The following ARSJ variants were observed in gnomAD, a reference collection of about 807,000 sequenced individuals.
ARSJ encodes the protein arylsulfatase J.
ARSJ carries 26 observed loss-of-function variants against 35.9 expected under a neutral mutation model. The ratio of observed to expected loss-of-function variants is 0.72; its 90% confidence interval spans 0.53 to 1.00. ARSJ has a LOEUF of 1.00. Among genes scored for constraint, ARSJ ranks in the 50% least tolerant of loss-of-function variants. The probability of loss-of-function intolerance (pLI) is 0.00; values close to 1 mark genes in which losing one functional copy is unlikely to be tolerated. For synonymous variants in ARSJ, 294 were observed against 267.6 expected (o/e 1.10, Z -0.96); for missense variants, 667 against 723.6 (o/e 0.92, Z 0.90).
At chr4:113,927,288 C>T (rs907994421) in intron 1 of ARSJ, among the ~76,000 whole-genome samples, 14 of 152,182 alleles carry the variant, frequency 9.2e-5, no homozygotes, top group South Asian at 2.1e-4. Flanking sequence ...AGAAATTTTA[C>T]TGAGGTAGAA....
intron 1 of ARSJ, among the ~76,000 whole-genome samples, chr4:113,923,308 C>A (rs972248311): frequency 3.9e-5 from 6 of 152,092 alleles, no homozygotes; most frequent in Non-Finnish European, 7.4e-5. Context: ...ATACATTATT[C>A]TTGAATGCCT....
chr4:113,968,290 T>A (rs895306761), intron 1 of ARSJ, among the ~76,000 whole-genome samples: 1 of 152,184 alleles, frequency 6.6e-6, no homozygotes, highest in African/African-American at 2.4e-5. Context: ...TATATACATA[T>A]AATATTTATG....
chr4:113,958,338 A>T (rs1347411999), intron 1 of ARSJ, among the ~76,000 whole-genome samples: 2 of 152,106 alleles, frequency 1.3e-5, no homozygotes, highest in African/African-American at 4.8e-5. Context: ...GGACAGAGGT[A>T]TAGAAGCAAA....
intron 1 of ARSJ, among the ~76,000 whole-genome samples, chr4:113,971,965 CCTT>C (rs1727278590): frequency 6.6e-6 from 1 of 152,196 alleles, no homozygotes; most frequent in Non-Finnish European, 1.5e-5. Flanking sequence ...TTACTTGACT[CCTT>C]CTCCTATCAG....
chr4:113,942,512 T>C (rs1368323359), intron 1 of ARSJ, among the ~76,000 whole-genome samples: 1 of 152,052 alleles, frequency 6.6e-6, no homozygotes, highest in South Asian at 2.1e-4. Context: ...TCATTTGGAA[T>C]AAATCTTTGA....
rs2099667384 is a variant in ARSJ, at chr4:113,902,429, C to A, written c.1645G>T (p.Gly549Trp). 9.3e-6 allele frequency: 15 copies of A among 1,613,896 alleles called. No individual in the cohort carries two copies. Among genetic ancestry groups the A allele is most frequent in the Non-Finnish European group, 1.3e-5 (15 of 1,180,008 alleles). The part of the protein sequence containing the change: ...DPRSNPRLNG[G>W]VWGPWYKEET... ...TCTTTATACCATGGTCCCCAGACCC[C>A]TCCATTGAGCCTAGGGTTACTTCTG... Residue 549 changes from glycine to tryptophan, a missense_variant, in exon 2 of 2, where the codon GGG (glycine) becomes TGG (tryptophan). Physicochemically the swap from Gly to Trp is radical, Grantham distance 184. Transcript: ENST00000315366.
At position 113,902,502 on chromosome 4, in the gene ARSJ, T is replaced by C; in HGVS notation, c.1572A>G (p.Ser524=). 6.2e-7 allele frequency: 1 copy of C among 1,614,194 alleles called. No individual in the cohort carries two copies. The highest frequency in any genetic ancestry group is 8.5e-7 in the Non-Finnish European group (1 of 1,180,030). The change falls in exon 2 of 2, where the codon TCA becomes TCG. Residue 524 remains serine, a synonymous_variant. Coordinates refer to ENST00000315366, the MANE Select transcript of ARSJ (RefSeq NM_024590.4). ...GIVKKLLRRL[S]QFNKTAVPVR... is the part of the protein sequence containing the mutation. ...CCGGCACTGCAGTTTTGTTGAACTG[T>C]GAGAGCCTCCGTAGGAGCTTCTTCA...
At chr4:113,934,027 G>A (rs1431851795) in intron 1 of ARSJ, among the ~76,000 whole-genome samples, 2 of 151,740 alleles carry the variant, frequency 1.3e-5, no homozygotes, top group Admixed American at 6.6e-5. Flanking sequence ...AATTGATGAA[G>A]AAATTTAGTA....
chr4:113,914,386 C>T (rs1037707715), intron 1 of ARSJ, among the ~76,000 whole-genome samples: 2 of 152,100 alleles, frequency 1.3e-5, no homozygotes, highest in African/African-American at 4.8e-5. Context: ...AGAAGTTTAA[C>T]ATTTTCTTTG....
rs971190968 is a variant in ARSJ at position 113,901,138 on chromosome 4, C to T, written c.*1136G>A. On this transcript the variant is annotated 3_prime_UTR_variant, in exon 2 of 2. Transcript: ENST00000315366. ...TTTTTATTTTTTAGGACCAATGATA[C>T]AATTTTAGCTAGAAGTTAGATCAGA... 2.0e-5 allele frequency: 3 copies of T among 152,070 alleles called. No individual in the cohort carries two copies. The highest frequency in any genetic ancestry group is 7.2e-5 in the African/African-American group (3 of 41,414). 9.4% of individuals were successfully genotyped at this position (152,070 alleles called of 1,614,324 possible).
At position 113,967,773 on chromosome 4, in the gene ARSJ, T is replaced by C. The variant is rs151189248; in HGVS notation, c.398+10664A>G. Among the ~76,000 whole-genome samples, 451 of 152,314 alleles carry C rather than the reference T, an allele frequency of 3.0e-3. 5 individuals are homozygous for C. The highest frequency in any genetic ancestry group is 0.01 in the African/African-American group (420 of 41,568). On this transcript the variant is annotated intron_variant, in intron 1 of 1. Transcript: ENST00000315366. ...TTTCAGTTGATGAGCAATGGTAATA[T>C]GATGTTAACAATTTTTAAATCAAAA... is the stretch of plus-strand genomic sequence containing the variant.
chr4:113,934,981 G>A (rs1305880023), intron 1 of ARSJ, among the ~76,000 whole-genome samples: 1 of 151,786 alleles, frequency 6.6e-6, no homozygotes, highest in Non-Finnish European at 1.5e-5. Context: ...TTCTTAATTT[G>A]ATGGATTGGT....
At chr4:113,905,871 T>A (rs1364651209) in intron 1 of ARSJ, among the ~76,000 whole-genome samples, 1 of 151,946 alleles carries the variant, frequency 6.6e-6, no homozygotes, top group Non-Finnish European at 1.5e-5. Flanking sequence ...TTTCACTGTG[T>A]TGGCCAGGCT....
At chr4:113,920,025 A>G (rs920998539) in intron 1 of ARSJ, among the ~76,000 whole-genome samples, 2 of 152,000 alleles carry the variant, frequency 1.3e-5, no homozygotes, top group Non-Finnish European at 2.9e-5. Flanking sequence ...ATTGTATACC[A>G]TGCTGTCTAT....
chr4:113,972,716 G>A (rs1474670889), intron 1 of ARSJ, among the ~76,000 whole-genome samples: 3 of 152,118 alleles, frequency 2.0e-5, no homozygotes, highest in Non-Finnish European at 4.4e-5. Context: ...ACTATGTTGT[G>A]CAGTCTGGTC....
In ARSJ at chr4:113,963,555, C is replaced by A. The variant is rs114460498; in HGVS notation, c.398+14882G>T. On this transcript the variant is annotated intron_variant, in intron 1 of 1. Coordinates refer to ENST00000315366, the MANE Select transcript of ARSJ (RefSeq NM_024590.4). ...ATGATTCAATTACCTGCTGCAGGGT[C>A]CCTCCCAGGACACTTAGGGATTATG... 5.4e-3 allele frequency among the ~76,000 whole-genome samples: 828 copies of A among 152,080 alleles called. 8 individuals carry two copies. Among genetic ancestry groups the A allele is most frequent in the African/African-American group, 0.019 (786 of 41,508 alleles).
chr4:113,936,319 T>C (rs981152649), intron 1 of ARSJ, among the ~76,000 whole-genome samples: 56 of 151,928 alleles, frequency 3.7e-4, no homozygotes, highest in African/African-American at 1.2e-3. Context: ...GTTTTTATGG[T>C]TTATGTGTCA....
rs116467906 is a variant in ARSJ at position 113,914,660 on chromosome 4, C to G, written c.399-10985G>C. On this transcript the variant is annotated intron_variant, in intron 1 of 1. Coordinates refer to ENST00000315366, the MANE Select transcript of ARSJ (RefSeq NM_024590.4). ...GTCTTAGCTGCAAGCCATGTGACAA[C>G]AAACTGAAATCCAAGACAACTTAGT... Among the ~76,000 whole-genome samples the G allele has an allele frequency of 5.1e-3, 774 of 152,274 alleles. 6 individuals carry two copies. Among genetic ancestry groups the G allele is most frequent in the African/African-American group, 0.018 (735 of 41,572 alleles).
In ARSJ at chr4:113,978,516, C is replaced by A. The variant is rs770822624; in HGVS notation, c.319G>T (p.Ala107Ser). The change falls in exon 1 of 2, where the codon GCT becomes TCT. Residue 107 changes from alanine (A) to serine (S), a missense_variant. Coordinates refer to ENST00000315366, the MANE Select transcript of ARSJ (RefSeq NM_024590.4). ...TTCTCCAGTTTAACTCCTTCGGCAG[C>A]GAGCTTGTCAAGAGTAGGTGTTTTA... ...EIKTPTLDKL[A>S]AEGVKLENYY... The A allele has an allele frequency of 3.7e-6, 6 of 1,613,966 alleles. No individual in the cohort carries two copies. The highest frequency in any genetic ancestry group is 4.2e-6 in the Non-Finnish European group (5 of 1,179,932).
Sources: allele counts gnomAD v4.1 joint callset (sites outside exome capture counted in the v4.1 genomes callset), GRCh38; gene constraint gnomAD v4.1.1; transcripts MANE v1.5; gene names NCBI Gene and HGNC (gene_info 2026-07-23, HGNC 2026-07-21).